The following TMEM135 variants were observed in gnomAD, a reference collection of about 807,000 sequenced individuals.
TMEM135 encodes transmembrane protein 135.
TMEM135 carries 30 observed loss-of-function variants against 60.3 expected under a neutral mutation model. The ratio of observed to expected loss-of-function variants is 0.50; its 90% confidence interval spans 0.37 to 0.68. The LOEUF is 0.68. TMEM135 is among the 30% of genes least tolerant of loss of function. The pLI, the probability that TMEM135 is intolerant of heterozygous loss-of-function variation, is 0.00. For synonymous variants in TMEM135, 190 were observed against 186.7 expected (o/e 1.02, Z -0.14); for missense variants, 468 against 548.8 (o/e 0.85, Z 1.47).
intron 4 of TMEM135, among the ~76,000 whole-genome samples, chr11:87,116,582 A>G (rs184443730): frequency 7.0e-6 from 1 of 143,312 alleles, no homozygotes; most frequent in Non-Finnish European, 1.5e-5. Context: ...AAATTGATTA[A>G]TATCTATTAA....
At chr11:87,081,684 G>T (rs1856995891) in intron 3 of TMEM135, among the ~76,000 whole-genome samples, 1 of 143,488 alleles carries the variant, frequency 7.0e-6, no homozygotes. Flanking sequence ...ATAGCTGAGG[G>T]TTTTTTTTTT....
At chr11:87,266,026 C>A (rs1413682447) in intron 6 of TMEM135, among the ~76,000 whole-genome samples, 2 of 152,068 alleles carry the variant, frequency 1.3e-5, no homozygotes, top group Non-Finnish European at 2.9e-5. Context: ...AAATGTTATT[C>A]ATGACTCACA....
At chr11:87,187,591 T>G (rs1227603773) in intron 5 of TMEM135, among the ~76,000 whole-genome samples, 1 of 152,206 alleles carries the variant, frequency 6.6e-6, no homozygotes. Flanking sequence ...TATGGTAAGA[T>G]GAGCTGAAAC....
chr11:87,212,826 A>G (rs200084650), intron 5 of TMEM135, among the ~76,000 whole-genome samples: 3 of 109,522 alleles, frequency 2.7e-5, no homozygotes, highest in East Asian at 2.2e-4. Flanking sequence ...TGATTTTGGA[A>G]AAAAAAAAAA....
intron 6 of TMEM135, among the ~76,000 whole-genome samples, chr11:87,247,799 T>C (rs1244063097): frequency 6.6e-6 from 1 of 152,164 alleles, no homozygotes; most frequent in African/African-American, 2.4e-5. Flanking sequence ...CCTGATCCCT[T>C]GTGCTTCCCA....
intron 1 of TMEM135, among the ~76,000 whole-genome samples, chr11:87,041,071 T>G (rs1342748228): frequency 2.0e-5 from 3 of 152,236 alleles, no homozygotes; most frequent in African/African-American, 7.2e-5. Context: ...ATGAATACAT[T>G]GTCTATAACA....
At chr11:87,122,331 C>G (rs1406821739) in intron 4 of TMEM135, among the ~76,000 whole-genome samples, 2 of 79,906 alleles carry the variant, frequency 2.5e-5, no homozygotes, top group African/African-American at 1.0e-4. Flanking sequence ...TTTTTTTTGT[C>G]AAATCCTGAT....
intron 6 of TMEM135, among the ~76,000 whole-genome samples, chr11:87,249,005 G>C (rs1018045243): frequency 6.6e-6 from 1 of 152,106 alleles, no homozygotes; most frequent in Non-Finnish European, 1.5e-5. Flanking sequence ...GTTTTTGGTA[G>C]AGTCTTTAGG....
At position 87,253,632 on chromosome 11, in the gene TMEM135, CATATATATATATATATATAT is replaced by C. The variant is rs60680451; in HGVS notation, c.509+16995_509+17014del. On this transcript the variant is annotated intron_variant, in intron 6 of 14. Coordinates refer to ENST00000305494, the MANE Select transcript of TMEM135 (RefSeq NM_022918.4). ...TGTTGTTTGAACTTAAAGGATGAGC[CATATATATATATATATATAT>C]ATATATATATATATATATATATATA... Among the ~76,000 whole-genome samples, 69 of 128,200 alleles carry C rather than the reference CATATATATATATATATATAT, an allele frequency of 5.4e-4. 1 individual carries two copies. The highest frequency in any genetic ancestry group is 6.3e-4 in the Non-Finnish European group (39 of 62,270). 84.1% of individuals were successfully genotyped at this position (128,200 alleles called of 152,430 possible).
intron 6 of TMEM135, among the ~76,000 whole-genome samples, chr11:87,275,235 C>T (rs1317734110): frequency 2.6e-5 from 4 of 152,056 alleles, no homozygotes; most frequent in African/African-American, 9.7e-5. Context: ...TCCTCTTTAT[C>T]CTCTTGGAAT....
intron 1 of TMEM135, among the ~76,000 whole-genome samples, chr11:87,044,675 G>C (rs1949779230): frequency 6.6e-6 from 1 of 152,104 alleles, no homozygotes; most frequent in African/African-American, 2.4e-5. Context: ...ATTTGAGACA[G>C]AGTCTTGCTC....
chr11:87,277,739 C>T (rs762076525), intron 6 of TMEM135, among the ~76,000 whole-genome samples: 6 of 152,030 alleles, frequency 3.9e-5, no homozygotes, highest in Non-Finnish European at 2.9e-5. Context: ...CCAGGCTGGT[C>T]TCGAACTCCT....
At chr11:87,225,765 A>G (rs1459298252) in intron 5 of TMEM135, among the ~76,000 whole-genome samples, 1 of 152,104 alleles carries the variant, frequency 6.6e-6, no homozygotes, top group Non-Finnish European at 1.5e-5. Context: ...TTGAAGTCAG[A>G]CAGTCCTGGC....
chr11:87,279,586 C>A (rs301582), intron 6 of TMEM135, among the ~76,000 whole-genome samples: 22,982 of 152,086 alleles, frequency 0.15, 2,253 homozygotes, highest in African/African-American at 0.27. Context: ...AATCTATAGC[C>A]CTCGCTTTTA....
chr11:87,104,038 A>G lies in TMEM135; in HGVS notation c.396+12643A>G, dbSNP rs140408911. Among the ~76,000 whole-genome samples, 148 of 151,766 alleles carry G rather than the reference A, an allele frequency of 9.8e-4. 2 individuals carry two copies. The East Asian group carries it at 0.026, about 27-fold the overall frequency. ...CAGTGCCATGAAGCTTTTGCCCTAT[A>G]TTTTCTTTTAGTCATTTTATGGAAG... On this transcript the variant is annotated intron_variant, in intron 4 of 14. Coordinates refer to ENST00000305494, the MANE Select transcript of TMEM135 (RefSeq NM_022918.4).
At chr11:87,124,906 A>T (rs1239123522) in intron 4 of TMEM135, among the ~76,000 whole-genome samples, 1 of 151,962 alleles carries the variant, frequency 6.6e-6, no homozygotes, top group Non-Finnish European at 1.5e-5. Flanking sequence ...TTATCTTTTA[A>T]TGCTTGAAAC....
In TMEM135 at chr11:87,322,097, A is replaced by G. The variant is rs1246410706; in HGVS notation, c.*764A>G. 1.1e-5 allele frequency: 5 copies of G among 454,160 alleles called. No homozygotes were observed. The East Asian group carries it at 3.5e-4, about 32-fold the overall frequency. The allele number at this position is 454,160 out of a possible 1,614,324, so 28.1% of individuals were successfully genotyped here. The stretch of plus-strand genomic sequence containing the variant: ...TGAAATGTATGTTTTAATCTTTCAC[A>G]GAAGTATTACACTTGAATATTTAAA... On this transcript the variant is annotated 3_prime_UTR_variant, in exon 15 of 15. Transcript: ENST00000305494.
chr11:87,215,355 G>A (rs1251109771), intron 5 of TMEM135, among the ~76,000 whole-genome samples: 2 of 152,156 alleles, frequency 1.3e-5, no homozygotes, highest in Non-Finnish European at 2.9e-5. Context: ...TCATGATTCT[G>A]TGAGTCAGTA....
chr11:87,135,434 G>A (rs1292959619), intron 4 of TMEM135, among the ~76,000 whole-genome samples: 1 of 148,580 alleles, frequency 6.7e-6, no homozygotes, highest in Non-Finnish European at 1.5e-5. Context: ...TTCATTTAAT[G>A]TCATTATTTT....
Sources: gnomAD v4.1 joint callset for allele counts (sites outside exome capture counted in the v4.1 genomes callset) on GRCh38, gnomAD v4.1.1 for gene constraint, MANE v1.5 for transcripts, NCBI Gene and HGNC (gene_info 2026-07-23, HGNC 2026-07-21) for gene names.